Variants in CAP2 observed in about 807,000 individuals in gnomAD.
The protein encoded by CAP2 is adenylyl cyclase-associated protein 2.
Under a neutral mutation model 57.7 loss-of-function variants are expected in CAP2, and 24 were observed. The observed-to-expected ratio is 0.42, with a 90% CI of 0.30 to 0.58. The LOEUF is 0.58. CAP2 is among the 20% of genes least tolerant of loss of function. The pLI is 0.22. For synonymous variants in CAP2, 194 were observed against 207.2 expected (o/e 0.94, Z 0.55); for missense variants, 501 against 590.3 (o/e 0.85, Z 1.57).
intron 7 of CAP2, among the ~76,000 whole-genome samples, chr6:17,534,512 C>T (rs76894328): frequency 0.015 from 2,323 of 152,274 alleles, 23 homozygotes; most frequent in Non-Finnish European, 0.022. Flanking sequence ...TCCTAGCCCT[C>T]GTTCTTGGCA....
chr6:17,479,501 A>G (rs1761234171), intron 4 of CAP2, among the ~76,000 whole-genome samples: 1 of 152,122 alleles, frequency 6.6e-6, no homozygotes, highest in South Asian at 2.1e-4. Context: ...GGGAGGACGG[A>G]AGTAAAAATG....
At chr6:17,456,726 G>T (rs531856008) in intron 3 of CAP2, among the ~76,000 whole-genome samples, 1 of 152,222 alleles carries the variant, frequency 6.6e-6, no homozygotes, top group African/African-American at 2.4e-5. Flanking sequence ...TCAAGAAGAG[G>T]GCTGATGCAG....
At chr6:17,530,850 G>A (rs1762622893) in intron 7 of CAP2, 1 of 901,776 alleles carries the variant, frequency 1.1e-6, no homozygotes, top group African/African-American at 1.7e-5. Flanking sequence ...AGCAGGTACT[G>A]TTTATTAACT....
At chr6:17,526,149 G>A (rs1000043829) in intron 7 of CAP2, among the ~76,000 whole-genome samples, 30 of 148,406 alleles carry the variant, frequency 2.0e-4, no homozygotes, top group Middle Eastern at 3.5e-3. Context: ...ATGGAGTCTC[G>A]CTCTGTCGCC....
At chr6:17,493,203 T>C (rs1250599409) in intron 4 of CAP2, among the ~76,000 whole-genome samples, 3 of 152,232 alleles carry the variant, frequency 2.0e-5, no homozygotes, top group Non-Finnish European at 4.4e-5. Context: ...ATTCATTCAC[T>C]TGTTCATTCA....
At chr6:17,479,933 G>A (rs1761248476) in intron 4 of CAP2, among the ~76,000 whole-genome samples, 1 of 151,644 alleles carries the variant, frequency 6.6e-6, no homozygotes, top group Non-Finnish European at 1.5e-5. Context: ...TTAATATAAG[G>A]GTATTACAAG....
chr6:17,442,338 G>T (rs550738579), intron 3 of CAP2, among the ~76,000 whole-genome samples: 2 of 152,134 alleles, frequency 1.3e-5, no homozygotes, highest in African/African-American at 4.8e-5. Context: ...GATGTTCGCC[G>T]CCAGGAAACC....
chr6:17,552,901 C>T (rs934071527), intron 12 of CAP2, among the ~76,000 whole-genome samples: 1 of 152,116 alleles, frequency 6.6e-6, no homozygotes, highest in African/African-American at 2.4e-5. Flanking sequence ...ACGTGTCATA[C>T]ATTACAGGCC....
chr6:17,456,519 G>A (rs1760576016), intron 3 of CAP2, among the ~76,000 whole-genome samples: 1 of 151,872 alleles, frequency 6.6e-6, no homozygotes, highest in African/African-American at 2.4e-5. Context: ...TTTCCTTTAG[G>A]GTAGAGTAGA....
chr6:17,461,499 T>A (rs1760718837), intron 3 of CAP2, among the ~76,000 whole-genome samples: 2 of 151,910 alleles, frequency 1.3e-5, no homozygotes, highest in Admixed American at 1.3e-4. Context: ...AGTGCTGAGA[T>A]TACAGGCATG....
chr6:17,555,533 C>A (rs1402485432), intron 12 of CAP2, among the ~76,000 whole-genome samples: 1 of 151,262 alleles, frequency 6.6e-6, no homozygotes, highest in Non-Finnish European at 1.5e-5. Flanking sequence ...GGGTCAGAAT[C>A]TGCATTTTAT....
intron 4 of CAP2, chr6:17,493,240 T>C (rs1761586732): frequency 5.5e-6 from 1 of 181,292 alleles, no homozygotes; most frequent in Admixed American, 5.7e-5. Flanking sequence ...CTATGTTTAG[T>C]ATAAAAATGC....
In CAP2 at chr6:17,541,093, A is replaced by G. The variant is rs34206659; in HGVS notation, c.947A>G (p.Tyr316Cys). 0.019 allele frequency: 31,063 copies of G among 1,613,926 alleles called. 391 individuals are homozygous for G. Among genetic ancestry groups the G allele is most frequent in the African/African-American group, 0.05 (3,744 of 75,038 alleles). Residue 316 changes from tyrosine to cysteine, a missense_variant, in exon 9 of 13, where the codon TAT becomes TGT. Tyr to Cys is a radical substitution (Grantham distance 194). Coordinates refer to ENST00000229922, the MANE Select transcript of CAP2 (RefSeq NM_006366.3). ...CCAAGTCCCACATCTCCTAAATCTTATCCTTCTCAAAAACATGCCCCAGTG... is the reference window on the plus strand; with the variant it reads ...CCAAGTCCCACATCTCCTAAATCTTGTCCTTCTCAAAAACATGCCCCAGTG... ...HTPSPTSPKS[Y>C]PSQKHAPVLE... is the part of the protein sequence containing the mutation.
At chr6:17,452,430 G>A (rs569993661) in intron 3 of CAP2, among the ~76,000 whole-genome samples, 3 of 152,222 alleles carry the variant, frequency 2.0e-5, no homozygotes, top group African/African-American at 7.2e-5. Context: ...ACTGGGAAGA[G>A]AGTAATTTCC....
intron 4 of CAP2, chr6:17,493,452 G>T: frequency 6.7e-6 from 2 of 296,474 alleles, no homozygotes; most frequent in Admixed American, 3.6e-5. Flanking sequence ...GCCAACCACA[G>T]ACTGTACCCA....
intron 1 of CAP2, among the ~76,000 whole-genome samples, chr6:17,404,885 C>A (rs1758915221): frequency 6.6e-6 from 1 of 151,856 alleles, no homozygotes; most frequent in South Asian, 2.1e-4. Context: ...TTACTTTATT[C>A]ATCGTTATTG....
intron 1 of CAP2, among the ~76,000 whole-genome samples, chr6:17,398,840 T>A (rs933267069): frequency 2.6e-5 from 4 of 152,184 alleles, no homozygotes; most frequent in East Asian, 1.9e-4. Context: ...TAAACATTTT[T>A]AAGCATACTA....
chr6:17,475,897 G>A (rs1300179070), intron 4 of CAP2, among the ~76,000 whole-genome samples: 2 of 152,202 alleles, frequency 1.3e-5, no homozygotes, highest in Non-Finnish European at 2.9e-5. Flanking sequence ...CTGTCTCTGT[G>A]CAGATGGAAT....
chr6:17,438,718 T>C (rs62393834), intron 3 of CAP2, among the ~76,000 whole-genome samples: 99,780 of 146,342 alleles, frequency 0.68, 35,279 homozygotes, highest in African/African-American at 0.86. Context: ...GGATTATAGG[T>C]GTGAGCCACC....
Sources: allele counts gnomAD v4.1 joint callset (sites outside exome capture counted in the v4.1 genomes callset), GRCh38; gene constraint gnomAD v4.1.1; transcripts MANE v1.5; gene names NCBI Gene and HGNC (gene_info 2026-07-23, HGNC 2026-07-21).